The following GNB5 variants were observed in gnomAD, a reference collection of about 807,000 sequenced individuals.
The protein encoded by GNB5 is G protein subunit beta 5, also known as guanine nucleotide-binding protein subunit beta-5.
In GNB5, 37 loss-of-function variants were observed where a neutral mutation model predicts 55.3. The observed-to-expected ratio is 0.67, with a 90% CI of 0.51 to 0.88. The LOEUF (loss-of-function observed/expected upper bound fraction) is 0.88, where lower values mean the gene tolerates loss of function less well. Among genes scored for constraint, GNB5 ranks in the 40% least tolerant of loss-of-function variants. GNB5 has a pLI of 0.00. For missense variants in GNB5, 476 were observed against 515.3 expected, an observed-to-expected ratio of 0.92 and a Z score of 0.74; for synonymous variants, 219 against 198.5, an observed-to-expected ratio of 1.10 and a Z score of -0.87.
chr15:52,144,790 A>G (rs1461435562), intron 6 of GNB5, among the ~76,000 whole-genome samples: 1 of 152,160 alleles, frequency 6.6e-6, no homozygotes, highest in Non-Finnish European at 1.5e-5. Flanking sequence ...CCTAAGGCTC[A>G]GAGGAGCTTC....
At chr15:52,182,118 A>C (rs1334274673) in intron 2 of GNB5, among the ~76,000 whole-genome samples, 1 of 152,200 alleles carries the variant, frequency 6.6e-6, no homozygotes, top group East Asian at 1.9e-4. Flanking sequence ...TCATCTGTGA[A>C]TGGGGGACAA....
intron 7 of GNB5, among the ~76,000 whole-genome samples, chr15:52,139,328 C>T (rs7163133): frequency 0.035 from 5,257 of 152,076 alleles, 314 homozygotes; most frequent in African/African-American, 0.12. Context: ...TGCAGACCCA[C>T]TACAGGCCTA....
intron 7 of GNB5, chr15:52,139,965 T>G (rs2033814435): frequency 7.8e-7 from 1 of 1,278,644 alleles, no homozygotes; most frequent in Non-Finnish European, 1.0e-6. Flanking sequence ...TGCTTTGGTT[T>G]GCCTCAGGCC....
In GNB5 at chr15:52,189,172, A is replaced by C. The variant is rs377456376; in HGVS notation, c.-19+2150T>G. 5.2e-4 allele frequency among the ~76,000 whole-genome samples: 79 copies of C among 152,354 alleles called. 2 individuals are homozygous for C. The South Asian group carries it at 0.015, about 30-fold the overall frequency. ...TTCATACATTGCTGGTGGGAAGGTA[A>C]AGTGGGGTAGCCGTTTTCCAATGGT... is the stretch of plus-strand genomic sequence containing the variant. On this transcript the variant is annotated intron_variant, in intron 1 of 12. Transcript: ENST00000261837.
chr15:52,128,576 G>A (rs1177261913), intron 9 of GNB5: 4 of 559,228 alleles, frequency 7.2e-6, no homozygotes, highest in African/African-American at 1.9e-5. Context: ...TAAGAAAGTG[G>A]TTATGAGCAC....
intron 1 of GNB5, among the ~76,000 whole-genome samples, chr15:52,189,667 C>T (rs2034892182): frequency 6.6e-6 from 1 of 151,930 alleles, no homozygotes; most frequent in African/African-American, 2.4e-5. Flanking sequence ...TGAAAGCAAC[C>T]CAAGTGTCCA....
chr15:52,180,516 A>G (rs4776011), intron 2 of GNB5: 20,471 of 152,264 alleles, frequency 0.13, 1,739 homozygotes, highest in Admixed American at 0.26. Context: ...CGGCATTAGG[A>G]GGCCCACCCT....
intron 1 of GNB5, among the ~76,000 whole-genome samples, chr15:52,190,261 G>C (rs1362799301): frequency 6.6e-6 from 1 of 151,816 alleles, no homozygotes; most frequent in African/African-American, 2.4e-5. Context: ...GGGAATACAG[G>C]CGCCCGCCAC....
At chr15:52,142,311 C>A (rs921830339) in intron 6 of GNB5, among the ~76,000 whole-genome samples, 1 of 152,164 alleles carries the variant, frequency 6.6e-6, no homozygotes, top group Non-Finnish European at 1.5e-5. Flanking sequence ...ACCTTTCATA[C>A]AAAGGCTTTA....
chr15:52,170,841 C>A (rs2034540982), intron 3 of GNB5, among the ~76,000 whole-genome samples: 1 of 151,972 alleles, frequency 6.6e-6, no homozygotes, highest in Non-Finnish European at 1.5e-5. Flanking sequence ...CGTGGTGGCT[C>A]ATGCCTGTAA....
chr15:52,179,743 C>CGCCCGCCTCCCG (rs1390806873), intron 3 of GNB5, 25 bp downstream of exon 3: 12 of 1,414,688 alleles, frequency 8.5e-6, no homozygotes, highest in African/African-American at 1.5e-5. Flanking sequence ...CGGCTTGCCC[C>CGCCCGCCTCCCG]GCCCGCCTCC....
intron 12 of GNB5, among the ~76,000 whole-genome samples, 172 bp from the exon 13 acceptor site, chr15:52,122,940 T>C (rs1337391342): frequency 6.6e-6 from 1 of 152,022 alleles, no homozygotes. Context: ...AGGGTGCTCA[T>C]GTGCCTTAGA....
At chr15:52,161,521 G>A (rs1049825318) in intron 3 of GNB5, among the ~76,000 whole-genome samples, 11 of 152,130 alleles carry the variant, frequency 7.2e-5, no homozygotes, top group African/African-American at 1.9e-4. Flanking sequence ...GGTTGGTCTC[G>A]AAGTCCTGGC....
chr15:52,136,167 CACA>C (rs1566935786), intron 7 of GNB5, among the ~76,000 whole-genome samples: 18 of 122,408 alleles, frequency 1.5e-4, no homozygotes, highest in African/African-American at 3.7e-4. Context: ...CACACACACA[CACA>C]CACCCTACCT....
chr15:52,124,718 T>TTA, intron 11 of GNB5, 79 bp from the exon 12 acceptor site: 1 of 1,255,730 alleles, frequency 8.0e-7, no homozygotes, highest in Non-Finnish European at 1.1e-6. Flanking sequence ...TACTCACTCA[T>TTA]TCAGTAAGCA....
intron 4 of GNB5, 120 bp from the exon 5 acceptor site, chr15:52,150,045 C>G (rs1467683896): frequency 1.3e-6 from 1 of 755,534 alleles, no homozygotes; most frequent in South Asian, 1.6e-5. Context: ...GAATGAGGAT[C>G]TGGATAATCA....
At chr15:52,156,669 G>A (rs961258190) in intron 3 of GNB5, among the ~76,000 whole-genome samples, 2 of 152,230 alleles carry the variant, frequency 1.3e-5, no homozygotes, top group Admixed American at 6.5e-5. Context: ...GGCAAAGGTC[G>A]CAGTGGGCAG....
chr15:52,182,510 A>G (rs1486432896), intron 2 of GNB5, among the ~76,000 whole-genome samples: 3 of 152,234 alleles, frequency 2.0e-5, no homozygotes, highest in Non-Finnish European at 4.4e-5. Flanking sequence ...AGATGAGGCC[A>G]TCAGACTTTT....
At chr15:52,127,600 T>C (rs1264942885) in intron 10 of GNB5, among the ~76,000 whole-genome samples, 1 of 152,164 alleles carries the variant, frequency 6.6e-6, no homozygotes, top group Non-Finnish European at 1.5e-5. Context: ...TCTTTTGTAA[T>C]TTGTTTAGCA....
Sources: gnomAD v4.1 joint callset for allele counts (sites outside exome capture counted in the v4.1 genomes callset) on GRCh38, gnomAD v4.1.1 for gene constraint, MANE v1.5 for transcripts, NCBI Gene and HGNC (gene_info 2026-07-23, HGNC 2026-07-21) for gene names.